Variants in LUZP2 observed in about 807,000 individuals in gnomAD.
LUZP2 encodes leucine zipper protein 2.
In LUZP2, 52 loss-of-function variants were observed where a neutral mutation model predicts 51.6. The ratio of observed to expected loss-of-function variants is 1.01; its 90% CI spans 0.81 to 1.27. The LOEUF (loss-of-function observed/expected upper bound fraction) is 1.27, where lower values mean the gene tolerates loss of function less well. LUZP2 is among the 50% of genes most tolerant of loss of function. The probability of loss-of-function intolerance (pLI) is 0.00; values close to 1 mark genes in which losing one functional copy is unlikely to be tolerated. For synonymous variants in LUZP2, 154 were observed against 137.3 expected, an observed-to-expected ratio of 1.12 and a Z score of -0.85; for missense variants, 436 against 395.4, an observed-to-expected ratio of 1.10 and a Z score of -0.87.
intron 8 of LUZP2, among the ~76,000 whole-genome samples, chr11:24,980,925 G>C (rs1446195): frequency 0.86 from 130,017 of 151,722 alleles, 58,291 homozygotes; most frequent in Non-Finnish European, 0.98. Flanking sequence ...TTTCATTAAG[G>C]AACTTGCATT....
chr11:24,950,906 C>A (rs538439197), intron 7 of LUZP2, among the ~76,000 whole-genome samples: 1 of 151,390 alleles, frequency 6.6e-6, no homozygotes, highest in African/African-American at 2.4e-5. Flanking sequence ...TTAATCAAGA[C>A]ATTGATAAGA....
In LUZP2 at chr11:24,497,081, G is replaced by C; in HGVS notation, c.-163G>C. 2.0e-6 allele frequency: 1 copy of C among 503,056 alleles called. No homozygotes were observed. The allele number at this position is 503,056 out of a possible 1,614,324, so 31.2% of individuals were successfully genotyped here. On this transcript the variant is annotated 5_prime_UTR_variant, in exon 1 of 12. Coordinates refer to ENST00000336930, the MANE Select transcript of LUZP2 (RefSeq NM_001009909.4). Reference sequence around the variant, plus strand: ...CCTGAAGATACTCCTCGCTCCCAGCGCCTGCCTTCCCCAGGCGTCCGTTCG... The same window carrying C: ...CCTGAAGATACTCCTCGCTCCCAGCCCCTGCCTTCCCCAGGCGTCCGTTCG...
intron 5 of LUZP2, among the ~76,000 whole-genome samples, chr11:24,801,721 G>A (rs1849702279): frequency 6.6e-6 from 1 of 151,030 alleles, no homozygotes; most frequent in Admixed American, 6.6e-5. Context: ...GTCTAGTAGG[G>A]GATGTAGGCA....
At chr11:24,964,745 A>C (rs1855532200) in intron 7 of LUZP2, among the ~76,000 whole-genome samples, 1 of 152,038 alleles carries the variant, frequency 6.6e-6, no homozygotes, top group African/African-American at 2.4e-5. Flanking sequence ...TGAAATCAAT[A>C]AATTCTATAG....
At chr11:25,050,506 G>C (rs967524857) in intron 10 of LUZP2, among the ~76,000 whole-genome samples, 1 of 151,848 alleles carries the variant, frequency 6.6e-6, no homozygotes, top group Non-Finnish European at 1.5e-5. Context: ...GGGTTTCACC[G>C]TGTTAACCAG....
chr11:24,920,276 A>G (rs1023216150), intron 7 of LUZP2, among the ~76,000 whole-genome samples: 1 of 152,000 alleles, frequency 6.6e-6, no homozygotes. Context: ...TGTTTGAAAT[A>G]AAATAGTGGC....
At chr11:24,854,706 A>G (rs977122617) in intron 5 of LUZP2, among the ~76,000 whole-genome samples, 1 of 150,422 alleles carries the variant, frequency 6.6e-6, no homozygotes, top group Non-Finnish European at 1.5e-5. Flanking sequence ...CTAGCTTGGC[A>G]TCTGCCCAAA....
At chr11:24,925,706 A>G (rs576082658) in intron 7 of LUZP2, among the ~76,000 whole-genome samples, 1 of 152,100 alleles carries the variant, frequency 6.6e-6, no homozygotes, top group East Asian at 1.9e-4. Flanking sequence ...AAGTATCGAA[A>G]TTTATTTTTA....
chr11:24,953,486 G>A (rs994395642), intron 7 of LUZP2, among the ~76,000 whole-genome samples: 1 of 151,930 alleles, frequency 6.6e-6, no homozygotes, highest in African/African-American at 2.4e-5. Context: ...TGTGCCTGTT[G>A]GATGGAAATG....
intron 1 of LUZP2, among the ~76,000 whole-genome samples, chr11:24,697,267 T>C (rs549163895): frequency 1.1e-4 from 17 of 152,304 alleles, no homozygotes; most frequent in African/African-American, 4.1e-4. Context: ...TAGGAGGTTA[T>C]GGCTTTATCC....
At chr11:25,023,116 T>C (rs1857386850) in intron 9 of LUZP2, among the ~76,000 whole-genome samples, 2 of 152,194 alleles carry the variant, frequency 1.3e-5, no homozygotes, top group Admixed American at 1.3e-4. Flanking sequence ...TCTCTTTTTT[T>C]TGTTGTGTCT....
At chr11:24,864,222 A>C (rs1347778464) in intron 5 of LUZP2, among the ~76,000 whole-genome samples, 1 of 152,192 alleles carries the variant, frequency 6.6e-6, no homozygotes, top group Non-Finnish European at 1.5e-5. Context: ...ACATGTTTGA[A>C]GTTTCTATGA....
intron 7 of LUZP2, among the ~76,000 whole-genome samples, chr11:24,936,486 C>G (rs997803596): frequency 6.6e-6 from 1 of 152,138 alleles, no homozygotes; most frequent in African/African-American, 2.4e-5. Flanking sequence ...TCCTCAAAAA[C>G]ATTGCCTCTG....
intron 4 of LUZP2, among the ~76,000 whole-genome samples, chr11:24,744,402 G>C (rs1269418328): frequency 6.6e-6 from 1 of 152,032 alleles, no homozygotes; most frequent in African/African-American, 2.4e-5. Flanking sequence ...TTATTGGTCT[G>C]TTTGTGGTTT....
intron 1 of LUZP2, among the ~76,000 whole-genome samples, chr11:24,540,737 G>A (rs901010162): frequency 3.9e-5 from 6 of 152,068 alleles, no homozygotes; most frequent in African/African-American, 1.4e-4. Flanking sequence ...GGGGGAGGAT[G>A]TACTTGCAGA....
At chr11:24,557,693 A>G (rs1028663740) in intron 1 of LUZP2, among the ~76,000 whole-genome samples, 5 of 152,176 alleles carry the variant, frequency 3.3e-5, no homozygotes, top group African/African-American at 9.6e-5. Flanking sequence ...TATCATGTCT[A>G]TGTCTAAGTT....
intron 10 of LUZP2, among the ~76,000 whole-genome samples, chr11:25,060,852 A>G (rs1053438596): frequency 3.3e-5 from 5 of 150,828 alleles, no homozygotes; most frequent in Admixed American, 6.6e-5. Context: ...TCTTTTTTCT[A>G]TTTCTCCCTC....
At chr11:24,709,676 A>G (rs1362225776) in intron 1 of LUZP2, among the ~76,000 whole-genome samples, 3 of 152,216 alleles carry the variant, frequency 2.0e-5, no homozygotes, top group Non-Finnish European at 4.4e-5. Context: ...AATAAATAAT[A>G]ATAATCTGAG....
chr11:24,688,718 C>T (rs1334628579), intron 1 of LUZP2, among the ~76,000 whole-genome samples: 2 of 152,002 alleles, frequency 1.3e-5, no homozygotes, highest in African/African-American at 4.8e-5. Context: ...ACCTGGTTTC[C>T]TGTTTTGTTT....
Sources: gnomAD v4.1 joint callset for allele counts (sites outside exome capture counted in the v4.1 genomes callset) on GRCh38, gnomAD v4.1.1 for gene constraint, MANE v1.5 for transcripts, NCBI Gene and HGNC (gene_info 2026-07-23, HGNC 2026-07-21) for gene names.